Variants in HCK observed in about 807,000 individuals in gnomAD.
HCK encodes the protein HCK proto-oncogene, Src family tyrosine kinase.
Under a neutral mutation model 70.4 loss-of-function variants are expected in HCK, and 40 were observed. The observed-to-expected ratio is 0.57, with a 90% CI of 0.44 to 0.74. HCK has a LOEUF of 0.74. HCK is among the 30% of genes least tolerant of loss of function. The probability of loss-of-function intolerance (pLI) is 0.00; values close to 1 mark genes in which losing one functional copy is unlikely to be tolerated. For missense variants in HCK, 568 were observed against 697.2 expected, an observed-to-expected ratio of 0.81 and a Z score of 2.09; for synonymous variants, 245 against 263.2, an observed-to-expected ratio of 0.93 and a Z score of 0.67.
chr20:32,093,008 G>A (rs564168565), intron 10 of HCK, among the ~76,000 whole-genome samples: 3 of 152,042 alleles, frequency 2.0e-5, no homozygotes, highest in South Asian at 2.1e-4. Context: ...ACAGTGGCAC[G>A]ATCTCGGCTC....
intron 1 of HCK, among the ~76,000 whole-genome samples, chr20:32,065,876 A>G (rs1418967315): frequency 6.6e-6 from 1 of 152,166 alleles, no homozygotes; most frequent in African/African-American, 2.4e-5. Flanking sequence ...CTGAAGAGGG[A>G]CAGATGCTGA....
intron 10 of HCK, among the ~76,000 whole-genome samples, chr20:32,089,411 A>T: frequency 6.6e-6 from 1 of 152,230 alleles, no homozygotes. Context: ...TGCACAAGTT[A>T]CTGTGCTAAT....
At chr20:32,082,763 C>G (rs2045725912) in intron 6 of HCK, among the ~76,000 whole-genome samples, 1 of 152,108 alleles carries the variant, frequency 6.6e-6, no homozygotes, top group African/African-American at 2.4e-5. Flanking sequence ...TCACAAATAG[C>G]AAAACGGTGG....
At chr20:32,096,482 A>G (rs1004919280) in intron 11 of HCK, among the ~76,000 whole-genome samples, 3 of 139,708 alleles carry the variant, frequency 2.1e-5, no homozygotes, top group Non-Finnish European at 3.1e-5. Flanking sequence ...CCTGGGTGAT[A>G]GAGCGAGACT....
rs2046036937 is a variant in HCK at position 32,101,600 on chromosome 20, C to T, written c.*81C>T. Reference sequence around the variant, plus strand: ...CCAGCACCATCCGCCAGGGCCCACACCCCCTTCCTACTCCCAGACACCCAC... The same window carrying T: ...CCAGCACCATCCGCCAGGGCCCACATCCCCTTCCTACTCCCAGACACCCAC... On this transcript the variant is annotated 3_prime_UTR_variant, in exon 13 of 13. Transcript: ENST00000375852. 4.2e-6 allele frequency: 5 copies of T among 1,183,194 alleles called. No individual in the cohort carries two copies. The highest frequency in any genetic ancestry group is 6.0e-6 in the Non-Finnish European group (5 of 829,640). 73.3% of individuals were successfully genotyped at this position (1,183,194 alleles called of 1,614,324 possible). A position where few individuals can be genotyped will look rare whatever the true frequency, so the allele number is the denominator to read the frequency against.
At chr20:32,078,581 G>T (rs1458048922) in intron 5 of HCK, among the ~76,000 whole-genome samples, 1 of 151,924 alleles carries the variant, frequency 6.6e-6, no homozygotes, top group African/African-American at 2.4e-5. Flanking sequence ...ATGGGGCCAG[G>T]AGCAGTGGCT....
Position 32,088,615 on chromosome 20 carries a change from T to C in HCK, c.1063T>C (p.Leu355=). 6.2e-7 allele frequency: 1 copy of C among 1,614,054 alleles called. No individual in the cohort carries two copies. Among genetic ancestry groups the C allele is most frequent in the South Asian group, 1.1e-5 (1 of 91,042 alleles). The stretch of plus-strand genomic sequence containing the variant: ...AAGTGATGAGGGCAGCAAGCAGCCA[T>C]TGCCAAAACTCATTGACTTCTCAGC... Residue 355 remains leucine, a synonymous_variant, in exon 10 of 13, where the codon TTG becomes CTG. Transcript: ENST00000375852.
At chr20:32,096,171 C>G (rs543948898) in intron 11 of HCK, among the ~76,000 whole-genome samples, 1 of 151,654 alleles carries the variant, frequency 6.6e-6, no homozygotes, top group Admixed American at 6.6e-5. Context: ...ATTACAGATG[C>G]GAGCCACTGT....
intron 1 of HCK, among the ~76,000 whole-genome samples, chr20:32,055,262 C>A (rs559888544): frequency 3.3e-5 from 5 of 152,186 alleles, no homozygotes; most frequent in African/African-American, 7.2e-5. Flanking sequence ...CTGCTGATCT[C>A]CCAGCCGTCT....
At chr20:32,056,440 CG>C (rs2045273259) in intron 1 of HCK, among the ~76,000 whole-genome samples, 1 of 151,566 alleles carries the variant, frequency 6.6e-6, no homozygotes. Flanking sequence ...GGCATGAACC[CG>C]GGAGGCGGAG....
intron 5 of HCK, among the ~76,000 whole-genome samples, chr20:32,077,987 A>C (rs1473725808): frequency 6.6e-6 from 1 of 151,430 alleles, no homozygotes; most frequent in Non-Finnish European, 1.5e-5. Context: ...CTATGGGATA[A>C]CTTCCTAGGA....
rs559413973 is a variant in HCK, at chr20:32,064,356, A to G, written c.63-7306A>G. Among the ~76,000 whole-genome samples, 6 of 152,246 alleles carry G rather than the reference A, an allele frequency of 3.9e-5. No individual in the cohort carries two copies. The South Asian group carries it at 1.0e-3, about 26-fold the overall frequency. On this transcript the variant is annotated intron_variant, in intron 1 of 12. Transcript: ENST00000375852. ...TTGATTTGGTCACAGATCCACCTCT[A>G]CAGCCAGGGGTTGGAGTCAACTCTA...
intron 6 of HCK, 140 bp from the exon 7 acceptor site, chr20:32,083,754 C>T: frequency 1.1e-6 from 1 of 934,252 alleles, no homozygotes; most frequent in Non-Finnish European, 1.7e-6. Flanking sequence ...CTGGCTCCCA[C>T]AGCCCACTCA....
intron 11 of HCK, among the ~76,000 whole-genome samples, chr20:32,096,583 C>T (rs1273728461): frequency 1.3e-5 from 2 of 151,902 alleles, no homozygotes; most frequent in African/African-American, 4.8e-5. Flanking sequence ...CTCACTGTAG[C>T]CTCCAACTCT....
intron 6 of HCK, among the ~76,000 whole-genome samples, chr20:32,080,905 T>G (rs976712659): frequency 3.3e-5 from 5 of 151,574 alleles, no homozygotes; most frequent in African/African-American, 1.2e-4. Flanking sequence ...CTGGGCAACA[T>G]AGTGAGACCC....
At chr20:32,087,873 A>G (rs242614) in intron 9 of HCK, among the ~76,000 whole-genome samples, 36,689 of 151,746 alleles carry the variant, frequency 0.24, 5,031 homozygotes, top group Middle Eastern at 0.31. Flanking sequence ...CAATCTCCTG[A>G]CCTTGTGATC....
chr20:32,101,372 C>G lies in HCK; in HGVS notation c.1434C>G (p.Arg478=), dbSNP rs2046031369. Residue 478 remains arginine, a synonymous_variant, in exon 13 of 13, where the codon CGC becomes CGG. Coordinates refer to ENST00000375852, the MANE Select transcript of HCK (RefSeq NM_002110.5). ...TGGAGCGTGGATACCGGATGCCTCG[C>G]CCAGAGAACTGCCCAGAGGAGCTCT... 6.2e-7 allele frequency: 1 copy of G among 1,614,108 alleles called. No homozygotes were observed. The highest frequency in any genetic ancestry group is 1.3e-5 in the African/African-American group (1 of 74,932).
rs372761182 is a variant in HCK at position 32,083,923 on chromosome 20, G to C, written c.562G>C (p.Asp188His). 14 of 1,614,046 alleles carry C rather than the reference G, an allele frequency of 8.7e-6. No homozygotes were observed. The East Asian group carries it at 1.6e-4, about 18-fold the overall frequency. The stretch of plus-strand genomic sequence containing the variant: ...CTACTCTTTGTCCGTGCGAGACTAC[G>C]ACCCTCGGCAGGGAGATACCGTGAA... Residue 188 changes from aspartate to histidine, a missense_variant, in exon 7 of 13, where the codon GAC (aspartate) becomes CAC (histidine). Physicochemically the swap from Asp to His is moderately conservative, Grantham distance 81. Around this residue, in one of 4 missense-constraint regions of HCK, gnomAD observed 318 missense variants for 336.0 expected, o/e 0.95. Coordinates refer to ENST00000375852, the MANE Select transcript of HCK (RefSeq NM_002110.5).
At chr20:32,055,319 G>A (rs1711946459) in intron 1 of HCK, among the ~76,000 whole-genome samples, 1 of 152,148 alleles carries the variant, frequency 6.6e-6, no homozygotes, top group South Asian at 2.1e-4. Context: ...CTGCTGTAAG[G>A]CACTTCACTT....
Sources: gnomAD v4.1 joint callset for allele counts (sites outside exome capture counted in the v4.1 genomes callset) on GRCh38, gnomAD v4.1.1 for gene constraint, gnomAD v4.1.1 regional missense constraint, MANE v1.5 for transcripts, NCBI Gene and HGNC (gene_info 2026-07-23, HGNC 2026-07-21) for gene names.